Variants in SRP68 observed in about 807,000 individuals in gnomAD.
SRP68 encodes the protein signal recognition particle subunit SRP68.
A neutral mutation model predicts 82.2 loss-of-function variants in SRP68; 15 were observed. The ratio of observed to expected loss-of-function variants is 0.18; its 90% CI spans 0.12 to 0.28. SRP68 has a LOEUF of 0.28. Among genes scored for constraint, SRP68 ranks in the 10% least tolerant of loss-of-function variants. The probability of loss-of-function intolerance (pLI) is 1.00; values close to 1 mark genes in which losing one functional copy is unlikely to be tolerated. For synonymous variants in SRP68, 261 were observed against 292.6 expected (o/e 0.89, Z 1.10); for missense variants, 595 against 780.5 (o/e 0.76, Z 2.83).
rs771398172 is a variant in SRP68, at chr17:76,057,504, T to C, written c.877A>G (p.Met293Val). ...CTCCCTCTCCACTCCACTTCACTCA[T>C]GGTAGCTGCCTGTTTGGCTCGAGTC... ...TQTRAKQAAT[M>V]SEVEWRGRTV... Residue 293 changes from methionine to valine, a missense_variant, in exon 8 of 16, where the codon ATG becomes GTG. This residue lies in a region of SRP68 where 495 missense variants were observed against 688.6 expected (regional missense o/e 0.72). Coordinates refer to ENST00000307877, the MANE Select transcript of SRP68 (RefSeq NM_014230.4). 1.2e-6 allele frequency: 2 copies of C among 1,614,166 alleles called. No homozygotes were observed. The highest frequency in any genetic ancestry group is 2.2e-5 in the South Asian group (2 of 91,076).
chr17:76,065,727 T>A (rs139345342), intron 3 of SRP68, among the ~76,000 whole-genome samples: 2 of 152,278 alleles, frequency 1.3e-5, no homozygotes, highest in East Asian at 3.9e-4. Context: ...TGTGTGGGCT[T>A]ACTGACTTCC....
chr17:76,054,627 G>A (rs2066699524), intron 8 of SRP68, among the ~76,000 whole-genome samples: 1 of 152,070 alleles, frequency 6.6e-6, no homozygotes, highest in African/African-American at 2.4e-5. Flanking sequence ...CGAGGCGGGT[G>A]GATTGCCTGA....
In SRP68 at chr17:76,039,687, C is replaced by A; in HGVS notation, c.*19G>T. 1 of 1,602,318 alleles carries A rather than the reference C, an allele frequency of 6.2e-7. No homozygotes were observed. The highest frequency in any genetic ancestry group is 8.5e-7 in the Non-Finnish European group (1 of 1,169,654). Reference sequence around the variant, plus strand: ...AGATTAAGAGTCAGAATCTCCCCCGCCCCCGAGGAAGAGCCTGGTTAGCTC... The same window carrying A: ...AGATTAAGAGTCAGAATCTCCCCCGACCCCGAGGAAGAGCCTGGTTAGCTC... On this transcript the variant is annotated 3_prime_UTR_variant, in exon 16 of 16. Coordinates refer to ENST00000307877, the MANE Select transcript of SRP68 (RefSeq NM_014230.4).
Position 76,060,869 on chromosome 17 carries a change from A to G in SRP68, c.754+241T>C, listed in dbSNP as rs190197066. The G allele has an allele frequency of 9.7e-4, 470 of 485,714 alleles. 2 individuals carry two copies. Among genetic ancestry groups the G allele is most frequent in the African/African-American group, 8.3e-3 (428 of 51,432 alleles). 30.1% of individuals were successfully genotyped at this position (485,714 alleles called of 1,614,324 possible). ...AAAAATGAACTCAGCCGGAGACTCAAGACTGCTCTTCGGGGGTACACAGCA... is the reference window on the plus strand; with the variant it reads ...AAAAATGAACTCAGCCGGAGACTCAGGACTGCTCTTCGGGGGTACACAGCA... On this transcript the variant is annotated intron_variant, in intron 6 of 15. Coordinates refer to ENST00000307877, the MANE Select transcript of SRP68 (RefSeq NM_014230.4).
intron 10 of SRP68, among the ~76,000 whole-genome samples, chr17:76,047,106 G>A (rs2066637966): frequency 6.6e-6 from 1 of 152,148 alleles, no homozygotes; most frequent in African/African-American, 2.4e-5. Context: ...TTCAAACACT[G>A]GTTGTGTTCT....
rs149867603 is a variant in SRP68, at chr17:76,067,304, C to T, written c.278G>A (p.Arg93His). The T allele has an allele frequency of 1.4e-5, 22 of 1,613,218 alleles. No homozygotes were observed. Among genetic ancestry groups the T allele is most frequent in the Non-Finnish European group, 1.7e-5 (20 of 1,179,732 alleles). ...YRGYCSRRQR[R>H]LRKTLNFKMG... ...CTTGAAGTTGAGTGTTTTTCGAAGA[C>T]GTCTTTGTCTACGGGAACAGTAGCC... The change falls in exon 3 of 16, where the codon CGT becomes CAT. Residue 93 changes from arginine (R) to histidine (H), a missense_variant. Coordinates refer to ENST00000307877, the MANE Select transcript of SRP68 (RefSeq NM_014230.4).
chr17:76,056,907 G>A (rs1490444439), intron 8 of SRP68, among the ~76,000 whole-genome samples: 1 of 152,172 alleles, frequency 6.6e-6, no homozygotes, highest in Non-Finnish European at 1.5e-5. Flanking sequence ...CCACCAATAG[G>A]TAACTATGTC....
rs1221451207 is a variant in SRP68, at chr17:76,067,243, C to A, written c.339G>T (p.Val113=). 1.2e-6 allele frequency: 2 copies of A among 1,613,724 alleles called. No individual in the cohort carries two copies. The highest frequency in any genetic ancestry group is 1.7e-5 in the Admixed American group (1 of 59,974). The change falls in exon 3 of 16, where the codon GTG becomes GTT. Residue 113 remains valine (V), a synonymous_variant. Transcript: ENST00000307877. ...GNRHKFTGKK[V]TEELLTDNRY... The stretch of plus-strand genomic sequence containing the variant: ...TATTATCGGTCAGAAGCTCTTCAGT[C>A]ACTTTCTTCCCTGTGAATTTGTGTC...
chr17:76,067,434 TAC>T (rs2066815867), intron 2 of SRP68, 104 bp from the exon 3 acceptor site: 3 of 767,326 alleles, frequency 3.9e-6, no homozygotes, highest in Non-Finnish European at 6.7e-6. Flanking sequence ...TGGGATATTA[TAC>T]TTATGGTTAC....
At chr17:76,050,035 A>C (rs2066660104) in intron 9 of SRP68, among the ~76,000 whole-genome samples, 1 of 152,244 alleles carries the variant, frequency 6.6e-6, no homozygotes, top group African/African-American at 2.4e-5. Flanking sequence ...GAGGCCCTGC[A>C]AAGGGAGAAG....
At chr17:76,067,516 C>T (rs971475321) in intron 2 of SRP68, among the ~76,000 whole-genome samples, 186 bp from the exon 3 acceptor site, 1 of 152,194 alleles carries the variant, frequency 6.6e-6, no homozygotes, top group African/African-American at 2.4e-5. Context: ...CTCTGTCACC[C>T]AGGCTGGAGT....
chr17:76,062,677 A>T (rs1206204300), intron 4 of SRP68, among the ~76,000 whole-genome samples: 1 of 37,182 alleles, frequency 2.7e-5, no homozygotes, highest in African/African-American at 3.3e-4. Flanking sequence ...TACATTATAT[A>T]ATATATAATA....
chr17:76,050,207 G>A (rs1425360712), intron 9 of SRP68, among the ~76,000 whole-genome samples: 1 of 152,166 alleles, frequency 6.6e-6, no homozygotes, highest in East Asian at 1.9e-4. Flanking sequence ...GGCCATATAG[G>A]AAACCATTAG....
chr17:76,061,602 G>A (rs1365538214), intron 4 of SRP68, 28 bp from the exon 5 acceptor site: 7 of 1,574,076 alleles, frequency 4.4e-6, no homozygotes, highest in Non-Finnish European at 6.1e-6. Flanking sequence ...AGGAGGAACT[G>A]CTTCAACAGC....
intron 8 of SRP68, among the ~76,000 whole-genome samples, chr17:76,055,685 T>C (rs1287314833): frequency 6.7e-6 from 1 of 149,424 alleles, no homozygotes; most frequent in Admixed American, 6.7e-5. Context: ...ACCTGGGAGG[T>C]GGAGCTTGCA....
At chr17:76,060,573 A>T in intron 6 of SRP68, 183 bp from the exon 7 acceptor site, 1 of 568,802 alleles carries the variant, frequency 1.8e-6, no homozygotes, top group Non-Finnish European at 3.1e-6. Context: ...CAATGAAAAT[A>T]CTCCATATGG....
chr17:76,067,909 G>A (rs1239801405), intron 2 of SRP68, among the ~76,000 whole-genome samples: 2 of 152,196 alleles, frequency 1.3e-5, no homozygotes, highest in Admixed American at 6.5e-5. Context: ...TGGCAACCAA[G>A]AAAACAAGGC....
chr17:76,056,381 C>T (rs150837751), intron 8 of SRP68, among the ~76,000 whole-genome samples: 1 of 152,296 alleles, frequency 6.6e-6, no homozygotes, highest in South Asian at 2.1e-4. Flanking sequence ...CTACCAGAGC[C>T]GTTGTCCAGT....
At chr17:76,040,657 C>T (rs1268080519) in intron 14 of SRP68, 183 bp from the exon 15 acceptor site, 4 of 689,728 alleles carry the variant, frequency 5.8e-6, no homozygotes, top group Non-Finnish European at 2.5e-6. Flanking sequence ...AGATCCAATG[C>T]CGTCGGCCCA....
Sources: gnomAD v4.1 joint callset for allele counts (sites outside exome capture counted in the v4.1 genomes callset) on GRCh38, gnomAD v4.1.1 for gene constraint, gnomAD v4.1.1 regional missense constraint, MANE v1.5 for transcripts, NCBI Gene and HGNC (gene_info 2026-07-23, HGNC 2026-07-21) for gene names.